Variants in GABBR2 observed in about 807,000 individuals in gnomAD.
The protein encoded by GABBR2 is G-protein coupled receptor 51.
A neutral mutation model predicts 105.6 loss-of-function variants in GABBR2; 23 were observed. The ratio of observed to expected loss-of-function variants is 0.22; its 90% CI spans 0.16 to 0.31. The LOEUF (loss-of-function observed/expected upper bound fraction) is 0.31, where lower values mean the gene tolerates loss of function less well. Ranked by LOEUF, GABBR2 falls within the 10% of genes least tolerant of loss-of-function variation. GABBR2 has a pLI of 1.00. For synonymous variants in GABBR2, 478 were observed against 499.7 expected, an observed-to-expected ratio of 0.96 and a Z score of 0.58; for missense variants, 734 against 1,245.5, an observed-to-expected ratio of 0.59 and a Z score of 6.18.
At chr9:98,670,618 G>A (rs1313049572) in intron 1 of GABBR2, among the ~76,000 whole-genome samples, 1 of 152,178 alleles carries the variant, frequency 6.6e-6, no homozygotes, top group African/African-American at 2.4e-5. Context: ...GCAAAATGGA[G>A]TGTATACATA....
intron 7 of GABBR2, among the ~76,000 whole-genome samples, chr9:98,444,848 C>T (rs968360168): frequency 4.0e-5 from 6 of 149,198 alleles, no homozygotes; most frequent in African/African-American, 1.3e-4. Context: ...CATGCGTGCA[C>T]GTGCACATGC....
intron 2 of GABBR2, among the ~76,000 whole-genome samples, chr9:98,555,090 C>A (rs1174734434): frequency 6.6e-6 from 1 of 152,194 alleles, no homozygotes; most frequent in Non-Finnish European, 1.5e-5. Flanking sequence ...AGCACAAGTG[C>A]CCAATTAATG....
chr9:98,393,944 G>T (rs1037435714), intron 9 of GABBR2, among the ~76,000 whole-genome samples: 1 of 152,226 alleles, frequency 6.6e-6, no homozygotes, highest in Non-Finnish European at 1.5e-5. Flanking sequence ...GCCATCCAAT[G>T]GTTTAAACAC....
chr9:98,318,914 TTGG>T (rs1564014923), intron 13 of GABBR2, among the ~76,000 whole-genome samples: 3,565 of 147,628 alleles, frequency 0.024, 73 homozygotes, highest in Middle Eastern at 0.059. Context: ...TGTGTGTGTG[TTGG>T]GGGTGTGTGT....
intron 15 of GABBR2, 88 bp from the exon 16 acceptor site, chr9:98,303,511 T>C: frequency 8.2e-7 from 1 of 1,216,322 alleles, no homozygotes; most frequent in Non-Finnish European, 1.2e-6. Context: ...CAGCAGATCC[T>C]GCTCTGGAGG....
At chr9:98,464,741 A>T (rs1826509983) in intron 6 of GABBR2, among the ~76,000 whole-genome samples, 1 of 152,196 alleles carries the variant, frequency 6.6e-6, no homozygotes, top group Non-Finnish European at 1.5e-5. Flanking sequence ...AGAAAGAAGT[A>T]GACATAGGAG....
At chr9:98,626,857 G>A (rs1829744019) in intron 1 of GABBR2, among the ~76,000 whole-genome samples, 1 of 152,126 alleles carries the variant, frequency 6.6e-6, no homozygotes, top group African/African-American at 2.4e-5. Flanking sequence ...CCTCTGTCTT[G>A]AACTTCTCTT....
chr9:98,318,608 G>A lies in GABBR2; in HGVS notation c.1894-7403C>T, dbSNP rs1163543983. Among the ~76,000 whole-genome samples the A allele has an allele frequency of 2.6e-5, 4 of 152,212 alleles. No individual in the cohort carries two copies. The South Asian group carries it at 6.2e-4, about 24-fold the overall frequency. ...GGCCACGCAATTCACCTCTGATCAC[G>A]GGGCTCTTGGCGCGGGTCACTCGGA... On this transcript the variant is annotated intron_variant, in intron 13 of 18. Coordinates refer to ENST00000259455, the MANE Select transcript of GABBR2 (RefSeq NM_005458.8).
chr9:98,337,304 C>T (rs1831133938), intron 13 of GABBR2, among the ~76,000 whole-genome samples: 1 of 151,404 alleles, frequency 6.6e-6, no homozygotes, highest in Admixed American at 6.6e-5. Flanking sequence ...GACTCCATCT[C>T]GGAAGAAAAA....
At chr9:98,404,792 A>G (rs1832460397) in intron 8 of GABBR2, among the ~76,000 whole-genome samples, 1 of 152,088 alleles carries the variant, frequency 6.6e-6, no homozygotes, top group African/African-American at 2.4e-5. Context: ...AGTTCAACGC[A>G]TGACCCGGTT....
intron 11 of GABBR2, among the ~76,000 whole-genome samples, chr9:98,381,467 G>A (rs1376011964): frequency 1.3e-5 from 2 of 152,190 alleles, no homozygotes; most frequent in Admixed American, 1.3e-4. Flanking sequence ...AATAGCAGGT[G>A]GAATACAACC....
At chr9:98,560,289 GA>G (rs1828649201) in intron 2 of GABBR2, among the ~76,000 whole-genome samples, 1 of 152,112 alleles carries the variant, frequency 6.6e-6, no homozygotes, top group African/African-American at 2.4e-5. Context: ...GTCACATGGA[GA>G]AAAATGTGTA....
At chr9:98,623,447 TATTTTTAAAAA>T in intron 1 of GABBR2, among the ~76,000 whole-genome samples, 1 of 152,222 alleles carries the variant, frequency 6.6e-6, no homozygotes, top group East Asian at 1.9e-4. Flanking sequence ...ATAAATAAAA[TATTTTTAAAAA>T]ACATACAAAA....
intron 13 of GABBR2, among the ~76,000 whole-genome samples, chr9:98,318,788 C>T (rs1830766339): frequency 6.6e-6 from 1 of 152,152 alleles, no homozygotes; most frequent in South Asian, 2.1e-4. Context: ...CCATACCTGC[C>T]TCTTTTCTTT....
intron 1 of GABBR2, among the ~76,000 whole-genome samples, chr9:98,697,438 C>T (rs112619540): frequency 0.096 from 14,314 of 149,032 alleles, 753 homozygotes; most frequent in African/African-American, 0.11. Context: ...TTGCAGTGAG[C>T]GGAGATGGCG....
At chr9:98,491,666 A>G (rs962283604) in intron 4 of GABBR2, among the ~76,000 whole-genome samples, 3 of 152,190 alleles carry the variant, frequency 2.0e-5, no homozygotes, top group Non-Finnish European at 4.4e-5. Flanking sequence ...TCCCTCTCCT[A>G]GTTAACACCA....
intron 11 of GABBR2, among the ~76,000 whole-genome samples, chr9:98,377,164 C>T (rs1831889672): frequency 6.6e-6 from 1 of 151,904 alleles, no homozygotes. Context: ...CCAGAAGGTG[C>T]CTCAGGACTG....
At position 98,311,045 on chromosome 9, in the gene GABBR2, C is replaced by T; in HGVS notation, c.2004+50G>A. The T allele has an allele frequency of 3.0e-6, 3 of 985,836 alleles. No individual in the cohort carries two copies. In the South Asian group the frequency reaches 4.0e-5, roughly 13 times the overall value. 61.1% of individuals were successfully genotyped at this position (985,836 alleles called of 1,614,324 possible). On this transcript the variant is annotated intron_variant, in intron 14 of 18. Transcript: ENST00000259455. ...GATGGAGGCCCCTGGGAGACAGAGG[C>T]CCAACAAAGAAGTGTCCCCCCTCAA... is the stretch of plus-strand genomic sequence containing the variant.
At chr9:98,615,197 TGCG>T (rs1564131484) in intron 1 of GABBR2, among the ~76,000 whole-genome samples, 1 of 152,168 alleles carries the variant, frequency 6.6e-6, no homozygotes, top group Non-Finnish European at 1.5e-5. Context: ...CCTAGCAGGA[TGCG>T]AGACACACTA....
Sources: allele counts gnomAD v4.1 joint callset (sites outside exome capture counted in the v4.1 genomes callset), GRCh38; gene constraint gnomAD v4.1.1; transcripts MANE v1.5; gene names NCBI Gene and HGNC (gene_info 2026-07-23, HGNC 2026-07-21).